Variants in PCMTD1 observed in about 807,000 individuals in gnomAD.
PCMTD1 encodes the protein protein-L-isoaspartate O-methyltransferase domain-containing protein 1.
Under a neutral mutation model 37.6 loss-of-function variants are expected in PCMTD1, and 12 were observed. The ratio of observed to expected loss-of-function variants is 0.32; its 90% CI spans 0.20 to 0.52. The LOEUF is 0.52. Among genes scored for constraint, PCMTD1 ranks in the 20% least tolerant of loss-of-function variants. The pLI is 0.97. For synonymous variants in PCMTD1, 117 were observed against 135.8 expected (o/e 0.86, Z 0.96); for missense variants, 235 against 421.3 (o/e 0.56, Z 3.87).
intron 1 of PCMTD1, among the ~76,000 whole-genome samples, chr8:51,865,378 GA>G (rs2038535469): frequency 6.6e-6 from 1 of 152,026 alleles, no homozygotes; most frequent in Admixed American, 6.6e-5. Context: ...TACAAGAAAA[GA>G]AAAGAACAGG....
At chr8:51,828,812 T>C (rs865875136) in intron 5 of PCMTD1, among the ~76,000 whole-genome samples, 13 of 152,282 alleles carry the variant, frequency 8.5e-5, no homozygotes, top group Non-Finnish European at 1.8e-4. Flanking sequence ...TAGAAAGAAA[T>C]GGATGTCCTG....
intron 2 of PCMTD1, among the ~76,000 whole-genome samples, chr8:51,852,030 A>C (rs1284061116): frequency 6.6e-6 from 1 of 152,200 alleles, no homozygotes; most frequent in East Asian, 1.9e-4. Context: ...CTATTTGTGA[A>C]GTACTTGAAG....
chr8:51,857,484 A>C (rs1278365063), intron 2 of PCMTD1, among the ~76,000 whole-genome samples: 1 of 152,242 alleles, frequency 6.6e-6, no homozygotes, highest in Non-Finnish European at 1.5e-5. Flanking sequence ...GTTTATCAGA[A>C]TAACTTGCCT....
intron 5 of PCMTD1, among the ~76,000 whole-genome samples, chr8:51,822,330 G>A (rs925502850): frequency 6.6e-6 from 1 of 150,622 alleles, no homozygotes; most frequent in African/African-American, 2.4e-5. Flanking sequence ...TTGAAGATAG[G>A]ATGGAAATGG....
At chr8:51,834,702 C>A (rs983951444) in intron 3 of PCMTD1, among the ~76,000 whole-genome samples, 29 of 152,004 alleles carry the variant, frequency 1.9e-4, no homozygotes, top group African/African-American at 5.1e-4. Flanking sequence ...GTAAAATATA[C>A]CCTGTCCTTT....
chr8:51,845,445 A>T, intron 3 of PCMTD1: 1 of 401,882 alleles, frequency 2.5e-6, no homozygotes. Context: ...ATAAAGTTGT[A>T]GTAGCAAAAA....
intron 3 of PCMTD1, among the ~76,000 whole-genome samples, chr8:51,838,548 G>A (rs576506703): frequency 1.3e-5 from 2 of 152,124 alleles, no homozygotes; most frequent in South Asian, 4.1e-4. Context: ...ATTTATATAT[G>A]TGAATAACTA....
chr8:51,893,934 C>A (rs535660770), intron 1 of PCMTD1, among the ~76,000 whole-genome samples: 1 of 152,174 alleles, frequency 6.6e-6, no homozygotes, highest in African/African-American at 2.4e-5. Flanking sequence ...CTGGAAGACA[C>A]AAGGAACAGT....
intron 1 of PCMTD1, among the ~76,000 whole-genome samples, chr8:51,869,439 G>A (rs1260560414): frequency 2.0e-5 from 3 of 152,030 alleles, no homozygotes; most frequent in Non-Finnish European, 4.4e-5. Flanking sequence ...GCTATATTCT[G>A]CAGCTCCTAA....
chr8:51,838,132 A>C (rs1232565841), intron 3 of PCMTD1, among the ~76,000 whole-genome samples: 1 of 152,090 alleles, frequency 6.6e-6, no homozygotes, highest in African/African-American at 2.4e-5. Context: ...AATTCATACC[A>C]ATCAGGTTAT....
rs375714775 is a variant in PCMTD1, at chr8:51,820,970, G to T, written c.707-252C>A. Reference sequence around the variant, plus strand: ...TGTGTTGGCATTTACATGCATAAAAGTTCTCTGGAAGCATAAGAATTTGGA... The same window carrying T: ...TGTGTTGGCATTTACATGCATAAAATTTCTCTGGAAGCATAAGAATTTGGA... On this transcript the variant is annotated intron_variant, in intron 5 of 5. Transcript: ENST00000522514. Among the ~76,000 whole-genome samples, 44 of 152,292 alleles carry T rather than the reference G, an allele frequency of 2.9e-4. No individual in the cohort carries two copies. The East Asian group carries it at 7.7e-3, about 27-fold the overall frequency.
At chr8:51,869,807 A>C (rs1381577844) in intron 1 of PCMTD1, among the ~76,000 whole-genome samples, 2 of 152,168 alleles carry the variant, frequency 1.3e-5, no homozygotes, top group East Asian at 3.9e-4. Context: ...TTACTCATAA[A>C]ACACAATTTC....
In PCMTD1 at chr8:51,898,996, C is replaced by G. The variant is rs1476306217; in HGVS notation, c.-162G>C. The G allele has an allele frequency of 1.3e-6, 2 of 1,510,602 alleles. No individual in the cohort carries two copies. Among genetic ancestry groups the G allele is most frequent in the Non-Finnish European group, 1.8e-6 (2 of 1,136,734 alleles). The allele number at this position is 1,510,602 out of a possible 1,614,324, so 93.6% of individuals were successfully genotyped here. On this transcript the variant is annotated 5_prime_UTR_variant, in exon 1 of 6. Transcript: ENST00000522514. ...CGGCGGGGTCCGCAGCAGCCAGACG[C>G]CGCTACCACCACAATAACAACACGG... is the stretch of plus-strand genomic sequence containing the variant.
intron 5 of PCMTD1, among the ~76,000 whole-genome samples, chr8:51,828,318 T>C (rs1194966245): frequency 2.0e-5 from 3 of 152,186 alleles, no homozygotes; most frequent in Non-Finnish European, 4.4e-5. Context: ...TTCTAGTGTT[T>C]GAAAACTAGG....
intron 1 of PCMTD1, among the ~76,000 whole-genome samples, chr8:51,886,144 T>A (rs2129293780): frequency 6.6e-6 from 1 of 152,316 alleles, no homozygotes; most frequent in East Asian, 1.9e-4. Context: ...TAGCTGTTAA[T>A]TTCGTCCCTT....
At chr8:51,896,832 A>C (rs2039007969) in intron 1 of PCMTD1, among the ~76,000 whole-genome samples, 1 of 152,100 alleles carries the variant, frequency 6.6e-6, no homozygotes, top group African/African-American at 2.4e-5. Context: ...ACAAGAGCAG[A>C]AAACACAGGT....
intron 2 of PCMTD1, among the ~76,000 whole-genome samples, chr8:51,857,182 C>T (rs2038403566): frequency 6.6e-6 from 1 of 152,220 alleles, no homozygotes. Flanking sequence ...AATATGGCAA[C>T]TGCAGTAAGT....
intron 1 of PCMTD1, among the ~76,000 whole-genome samples, chr8:51,872,514 A>G (rs777040231): frequency 2.0e-5 from 3 of 152,170 alleles, no homozygotes; most frequent in Non-Finnish European, 4.4e-5. Context: ...TAACTCAGGA[A>G]AAGTCTATAA....
intron 1 of PCMTD1, among the ~76,000 whole-genome samples, chr8:51,887,718 A>C (rs1289929919): frequency 6.7e-6 from 1 of 149,484 alleles, no homozygotes; most frequent in Non-Finnish European, 1.5e-5. Flanking sequence ...ATTTGAGAAC[A>C]GTTTCACAAA....
Sources: gnomAD v4.1 joint callset for allele counts (sites outside exome capture counted in the v4.1 genomes callset) on GRCh38, gnomAD v4.1.1 for gene constraint, MANE v1.5 for transcripts, NCBI Gene and HGNC (gene_info 2026-07-23, HGNC 2026-07-21) for gene names.